Variants in ST6GALNAC3 observed in about 807,000 individuals in gnomAD.
ST6GALNAC3 encodes ST6 N-acetylgalactosaminide alpha-2,6-sialyltransferase 3.
A neutral mutation model predicts 32.7 loss-of-function variants in ST6GALNAC3; 25 were observed. That is an observed-to-expected ratio of 0.76 (90% CI 0.56 to 1.07). The LOEUF (loss-of-function observed/expected upper bound fraction) is 1.07. ST6GALNAC3 is among the 50% of genes least tolerant of loss of function. The pLI is 0.00. For synonymous variants in ST6GALNAC3, 129 were observed against 133.1 expected (o/e 0.97, Z 0.21); for missense variants, 355 against 382.4 (o/e 0.93, Z 0.60).
chr1:76,304,509 A>G (rs1375021043), intron 1 of ST6GALNAC3, among the ~76,000 whole-genome samples: 3 of 151,954 alleles, frequency 2.0e-5, no homozygotes, highest in Non-Finnish European at 4.4e-5. Flanking sequence ...GAATACAGCA[A>G]GGGGGCCAGG....
At chr1:76,082,495 C>T (rs1219155687) in intron 1 of ST6GALNAC3, among the ~76,000 whole-genome samples, 3 of 152,124 alleles carry the variant, frequency 2.0e-5, no homozygotes, top group Middle Eastern at 3.2e-3. Context: ...AAAGGTTTGT[C>T]AGCAGGAGAG....
chr1:76,426,908 G>A (rs1404727965), intron 3 of ST6GALNAC3, among the ~76,000 whole-genome samples: 1 of 151,980 alleles, frequency 6.6e-6, no homozygotes, highest in Non-Finnish European at 1.5e-5. Flanking sequence ...GTCACTGTGT[G>A]GCACATGATT....
intron 1 of ST6GALNAC3, among the ~76,000 whole-genome samples, chr1:76,240,932 T>G (rs1304226665): frequency 6.6e-6 from 1 of 152,200 alleles, no homozygotes; most frequent in Non-Finnish European, 1.5e-5. Flanking sequence ...AGAACTAGGT[T>G]TAAGATACTT....
chr1:76,112,621 C>T (rs1242397335), intron 1 of ST6GALNAC3, among the ~76,000 whole-genome samples: 1 of 150,270 alleles, frequency 6.7e-6, no homozygotes, highest in African/African-American at 2.5e-5. Flanking sequence ...ACTTCTCAGA[C>T]GGGGCGGTTG....
intron 3 of ST6GALNAC3, among the ~76,000 whole-genome samples, chr1:76,517,222 T>C (rs1182876884): frequency 6.6e-6 from 1 of 151,846 alleles, no homozygotes; most frequent in Non-Finnish European, 1.5e-5. Context: ...AAGAACACAA[T>C]ATATTGTTTT....
chr1:76,341,682 C>CTTTTT (rs1411767732), intron 2 of ST6GALNAC3, among the ~76,000 whole-genome samples: 2 of 35,988 alleles, frequency 5.6e-5, no homozygotes, highest in African/African-American at 9.8e-5. Flanking sequence ...TCTTTCTTTC[C>CTTTTT]TTCTTTCTTT....
At chr1:76,101,492 A>G (rs1413084355) in intron 1 of ST6GALNAC3, among the ~76,000 whole-genome samples, 1 of 152,182 alleles carries the variant, frequency 6.6e-6, no homozygotes, top group Non-Finnish European at 1.5e-5. Context: ...AAACACCTAT[A>G]TGAAGATTTG....
Position 76,629,011 on chromosome 1 carries a change from T to A in ST6GALNAC3, c.*205T>A. 3 of 1,376,772 alleles carry A rather than the reference T, an allele frequency of 2.2e-6. No individual in the cohort carries two copies. Among genetic ancestry groups the A allele is most frequent in the Non-Finnish European group, 2.8e-6 (3 of 1,070,604 alleles). The allele number at this position is 1,376,772 out of a possible 1,614,324, so 85.3% of individuals were successfully genotyped here. A position where few individuals can be genotyped will look rare whatever the true frequency, so the allele number is the denominator to read the frequency against. On this transcript the variant is annotated 3_prime_UTR_variant, in exon 5 of 5. Transcript: ENST00000328299. ...GAGGATGGTTGTGCTCATGATGTTCTTTCTGGAGGTTCAACACTACGTACC... is the reference window on the plus strand; with the variant it reads ...GAGGATGGTTGTGCTCATGATGTTCATTCTGGAGGTTCAACACTACGTACC...
intron 1 of ST6GALNAC3, among the ~76,000 whole-genome samples, chr1:76,303,037 TGCAACCAGTCCGATTGGTTGCAGAAA>T (rs1273233111): frequency 2.0e-5 from 2 of 99,654 alleles, no homozygotes; most frequent in Admixed American, 1.2e-4. Context: ...AGTGGTGGTC[TGCAACCAGTCCGATTGGTTGCAGAAA>T]GCAACCAATC....
intron 3 of ST6GALNAC3, among the ~76,000 whole-genome samples, chr1:76,471,404 T>C (rs1203832149): frequency 6.6e-6 from 1 of 152,162 alleles, no homozygotes; most frequent in African/African-American, 2.4e-5. Flanking sequence ...TGCTTAAAAA[T>C]ATGTTTTTCT....
intron 1 of ST6GALNAC3, among the ~76,000 whole-genome samples, chr1:76,290,449 A>G (rs1393107206): frequency 6.6e-6 from 1 of 152,188 alleles, no homozygotes; most frequent in Non-Finnish European, 1.5e-5. Flanking sequence ...TTATTTAGCC[A>G]TCTTACTTTC....
At chr1:76,376,992 T>G (rs1651287232) in intron 2 of ST6GALNAC3, among the ~76,000 whole-genome samples, 1 of 152,146 alleles carries the variant, frequency 6.6e-6, no homozygotes, top group East Asian at 1.9e-4. Context: ...TTTTTTACCT[T>G]TTGGGCTACT....
chr1:76,413,238 A>C, intron 3 of ST6GALNAC3, among the ~76,000 whole-genome samples: 1 of 152,100 alleles, frequency 6.6e-6, no homozygotes, highest in East Asian at 1.9e-4. Flanking sequence ...AACTATTAAA[A>C]CAGAGAAAAC....
At chr1:76,272,461 A>G (rs555097563) in intron 1 of ST6GALNAC3, among the ~76,000 whole-genome samples, 4 of 152,286 alleles carry the variant, frequency 2.6e-5, no homozygotes, top group South Asian at 2.1e-4. Context: ...GGGTCTTACA[A>G]AGTTTATTGA....
At chr1:76,516,614 T>C (rs1381385999) in intron 3 of ST6GALNAC3, among the ~76,000 whole-genome samples, 1 of 151,928 alleles carries the variant, frequency 6.6e-6, no homozygotes, top group East Asian at 1.9e-4. Flanking sequence ...CTGAGCTTGC[T>C]CTTTTCACCA....
At chr1:76,138,025 A>G (rs1041541276) in intron 1 of ST6GALNAC3, among the ~76,000 whole-genome samples, 1 of 152,196 alleles carries the variant, frequency 6.6e-6, no homozygotes, top group African/African-American at 2.4e-5. Context: ...TCAGCCACAC[A>G]TTAATTAGTA....
chr1:76,112,363 G>A (rs1490038048), intron 1 of ST6GALNAC3, among the ~76,000 whole-genome samples: 1 of 145,044 alleles, frequency 6.9e-6, no homozygotes, highest in Non-Finnish European at 1.5e-5. Context: ...GGCTGGCCGG[G>A]CGGGGGGCTG....
At chr1:76,574,092 G>A (rs1317616677) in intron 3 of ST6GALNAC3, among the ~76,000 whole-genome samples, 1 of 152,072 alleles carries the variant, frequency 6.6e-6, no homozygotes, top group Non-Finnish European at 1.5e-5. Context: ...TATGGAAAAT[G>A]GAAGAGAGAG....
intron 3 of ST6GALNAC3, among the ~76,000 whole-genome samples, chr1:76,596,286 T>G (rs1647135976): frequency 6.6e-6 from 1 of 152,160 alleles, no homozygotes; most frequent in African/African-American, 2.4e-5. Context: ...TGTAGAATTA[T>G]AATTATTTTT....
Sources: gnomAD v4.1 joint callset for allele counts (sites outside exome capture counted in the v4.1 genomes callset) on GRCh38, gnomAD v4.1.1 for gene constraint, MANE v1.5 for transcripts, NCBI Gene and HGNC (gene_info 2026-07-23, HGNC 2026-07-21) for gene names.